Variants in CAMK1D observed in about 807,000 individuals in gnomAD.
CAMK1D encodes the protein calcium/calmodulin-dependent protein kinase type 1D.
Under a neutral mutation model 47.7 loss-of-function variants are expected in CAMK1D, and 9 were observed. The ratio of observed to expected loss-of-function variants is 0.19; its 90% CI spans 0.11 to 0.33. The LOEUF (loss-of-function observed/expected upper bound fraction) is 0.33, where lower values mean the gene tolerates loss of function less well. Ranked by LOEUF, CAMK1D falls within the 10% of genes least tolerant of loss-of-function variation. CAMK1D has a pLI of 1.00. For synonymous variants in CAMK1D, 184 were observed against 184.9 expected (o/e 0.99, Z 0.04); for missense variants, 291 against 488.7 (o/e 0.60, Z 3.81).
chr10:12,698,861 C>T (rs1488824732), intron 3 of CAMK1D, among the ~76,000 whole-genome samples: 5 of 151,676 alleles, frequency 3.3e-5, no homozygotes, highest in African/African-American at 9.7e-5. Flanking sequence ...TTAGTAGAGA[C>T]GGGGTTTCAC....
intron 2 of CAMK1D, among the ~76,000 whole-genome samples, chr10:12,582,323 T>A (rs1279037680): frequency 6.6e-6 from 1 of 152,228 alleles, no homozygotes. Flanking sequence ...GATAAAATGA[T>A]GCCTCCAGAT....
intron 5 of CAMK1D, among the ~76,000 whole-genome samples, chr10:12,783,102 C>T (rs574983277): frequency 1.3e-4 from 19 of 150,444 alleles, no homozygotes; most frequent in African/African-American, 4.5e-4. Context: ...AAGCAGTTCT[C>T]CTGCCTCAGC....
intron 2 of CAMK1D, among the ~76,000 whole-genome samples, chr10:12,612,199 A>G (rs7902494): frequency 0.35 from 52,631 of 152,032 alleles, 11,406 homozygotes; most frequent in East Asian, 0.54. Context: ...CCTGGAACAA[A>G]GGTCTACAAG....
intron 2 of CAMK1D, among the ~76,000 whole-genome samples, chr10:12,635,592 C>A (rs1839493364): frequency 6.6e-6 from 1 of 152,056 alleles, no homozygotes; most frequent in African/African-American, 2.4e-5. Flanking sequence ...GGGAAGAGGC[C>A]CTCTGCCTTT....
chr10:12,421,215 TTCTC>T, intron 1 of CAMK1D, among the ~76,000 whole-genome samples: 1 of 152,306 alleles, frequency 6.6e-6, no homozygotes, highest in East Asian at 1.9e-4. Context: ...AGGAATCCCT[TTCTC>T]TCAAGCTCAG....
rs527558418 is a variant in CAMK1D at position 12,485,563 on chromosome 10, G to C, written c.93-67662G>C. On this transcript the variant is annotated intron_variant, in intron 1 of 10. Transcript: ENST00000619168. ...TCTGCAGGCTGCAGAGGCACTGCTC[G>C]TTGGGCCTGTAGGTGCTTTGGGAGT... 7.2e-5 allele frequency among the ~76,000 whole-genome samples: 11 copies of C among 152,246 alleles called. 1 individual carries two copies. The East Asian group carries it at 9.7e-4, about 13-fold the overall frequency.
chr10:12,375,991 T>C (rs1838165419), intron 1 of CAMK1D, among the ~76,000 whole-genome samples: 1 of 151,530 alleles, frequency 6.6e-6, no homozygotes, highest in South Asian at 2.1e-4. Context: ...AGCGAAACCC[T>C]GTCTCTACGA....
At chr10:12,472,034 C>CAA (rs60064606) in intron 1 of CAMK1D, among the ~76,000 whole-genome samples, 1,364 of 94,650 alleles carry the variant, frequency 0.014, 27 homozygotes, top group African/African-American at 0.046. Context: ...GACTCTGTCT[C>CAA]AAAAAAAAAA....
chr10:12,782,551 C>T (rs1038511347), intron 5 of CAMK1D, among the ~76,000 whole-genome samples: 7 of 152,176 alleles, frequency 4.6e-5, no homozygotes, highest in African/African-American at 9.7e-5. Context: ...GAAATCTTCT[C>T]GTGTCTTCTC....
intron 5 of CAMK1D, among the ~76,000 whole-genome samples, chr10:12,781,590 T>C (rs1329670248): frequency 1.3e-5 from 2 of 152,052 alleles, no homozygotes; most frequent in Non-Finnish European, 2.9e-5. Context: ...GGACTTCTCA[T>C]GCCTGTGGTG....
intron 3 of CAMK1D, among the ~76,000 whole-genome samples, chr10:12,694,330 G>T (rs1476582668): frequency 6.5e-5 from 3 of 45,972 alleles, no homozygotes; most frequent in South Asian, 7.6e-4. Context: ...AATATATAAA[G>T]TATATATAAT....
At chr10:12,532,176 A>G (rs1835825420) in intron 1 of CAMK1D, among the ~76,000 whole-genome samples, 1 of 152,142 alleles carries the variant, frequency 6.6e-6, no homozygotes. Context: ...GGAAACTATA[A>G]TTTACAATGT....
intron 2 of CAMK1D, among the ~76,000 whole-genome samples, chr10:12,631,386 T>G (rs1424752503): frequency 6.6e-6 from 1 of 152,220 alleles, no homozygotes; most frequent in Non-Finnish European, 1.5e-5. Context: ...GTGCATGCCA[T>G]TCCTTATTTG....
intron 2 of CAMK1D, among the ~76,000 whole-genome samples, chr10:12,554,127 C>T (rs1588626806): frequency 6.6e-6 from 1 of 151,786 alleles, no homozygotes; most frequent in Non-Finnish European, 1.5e-5. Context: ...TCTTTCCCTC[C>T]CCACTCCCCT....
chr10:12,590,258 C>G (rs149517766), intron 2 of CAMK1D, among the ~76,000 whole-genome samples: 2,491 of 152,224 alleles, frequency 0.016, 74 homozygotes, highest in African/African-American at 0.057. Flanking sequence ...CACTCTGTCT[C>G]CCAGGCTGGA....
At chr10:12,815,705 C>T (rs915855852) in intron 7 of CAMK1D, among the ~76,000 whole-genome samples, 2 of 152,268 alleles carry the variant, frequency 1.3e-5, no homozygotes, top group Non-Finnish European at 2.9e-5. Context: ...TACTCCCCCA[C>T]TTCCCCCAGC....
intron 2 of CAMK1D, among the ~76,000 whole-genome samples, chr10:12,587,789 G>A (rs1837864880): frequency 6.6e-6 from 1 of 152,148 alleles, no homozygotes; most frequent in Admixed American, 6.5e-5. Context: ...GCTCAAGAGA[G>A]AATAGAGTTT....
chr10:12,457,376 G>A (rs1224793925), intron 1 of CAMK1D, among the ~76,000 whole-genome samples: 2 of 149,244 alleles, frequency 1.3e-5, no homozygotes, highest in African/African-American at 2.5e-5. Context: ...GGGTGACAGA[G>A]CGAGACTCTG....
chr10:12,670,364 T>G (rs1001279444), intron 3 of CAMK1D, among the ~76,000 whole-genome samples: 1 of 152,166 alleles, frequency 6.6e-6, no homozygotes, highest in South Asian at 2.1e-4. Context: ...CAATCTTTAT[T>G]GGATTATCAT....
Sources: gnomAD v4.1 joint callset for allele counts (sites outside exome capture counted in the v4.1 genomes callset) on GRCh38, gnomAD v4.1.1 for gene constraint, MANE v1.5 for transcripts, NCBI Gene and HGNC (gene_info 2026-07-23, HGNC 2026-07-21) for gene names.